ARL13A: variants seen among roughly 807,000 people sequenced by gnomAD.
ARL13A encodes the protein ARF like GTPase 13A, also known as ADP-ribosylation factor-like protein 13A.
In ARL13A, 16 loss-of-function variants were observed where a neutral mutation model predicts 19.1. The observed-to-expected ratio is 0.84, with a 90% CI of 0.57 to 1.27. The LOEUF (loss-of-function observed/expected upper bound fraction) is 1.27, where lower values mean the gene tolerates loss of function less well. Ranked by LOEUF, ARL13A falls within the 50% of genes most tolerant of loss-of-function variation. ARL13A has a pLI of 0.00. For missense variants in ARL13A, 153 were observed against 186.4 expected, an observed-to-expected ratio of 0.82 and a Z score of 1.04; for synonymous variants, 69 against 71.3, an observed-to-expected ratio of 0.97 and a Z score of 0.17.
intron 3 of ARL13A, 130 bp downstream of exon 3, chrX:100,974,327 T>A: frequency 2.1e-6 from 1 of 483,060 alleles, no homozygotes; most frequent in Non-Finnish European, 3.7e-6. Flanking sequence ...AAACACCTCC[T>A]AACACACACG....
At chrX:100,972,366 C>G (rs1473294400) in intron 1 of ARL13A, among the ~76,000 whole-genome samples, 1 of 98,814 alleles carries the variant, frequency 1.0e-5, no homozygotes, top group African/African-American at 3.7e-5. Flanking sequence ...GGGCTGACCC[C>G]CCAACCTCCC....
At chrX:100,988,006 CGAAAAA>C (rs1428232787) in intron 6 of ARL13A, among the ~76,000 whole-genome samples, 181 bp from the exon 7 acceptor site, 1 of 111,324 alleles carries the variant, frequency 9.0e-6, no homozygotes, top group Non-Finnish European at 1.9e-5. Context: ...GTTGAAAAGA[CGAAAAA>C]GAAAAAGAAA....
chrX:100,975,200 C>T (rs928025818), intron 3 of ARL13A, among the ~76,000 whole-genome samples: 1 of 112,115 alleles, frequency 8.9e-6, no homozygotes, highest in African/African-American at 3.2e-5. Context: ...CTTCATTTCC[C>T]ATGCTCTCTG....
At chrX:100,970,410 G>A (rs1457256543) in intron 1 of ARL13A, among the ~76,000 whole-genome samples, 5 of 112,376 alleles carry the variant, frequency 4.4e-5, no homozygotes, top group Non-Finnish European at 9.4e-5. Context: ...GCAGAACCCT[G>A]ATAAATTATC....
chrX:100,986,796 T>A lies in ARL13A; in HGVS notation c.381T>A (p.Ile127=). 1 of 1,187,934 alleles carries A rather than the reference T, an allele frequency of 8.4e-7. No homozygotes were observed. The highest frequency in any genetic ancestry group is 1.1e-6 in the Non-Finnish European group (1 of 879,642). ...DKRVAGKPIL[I]LANKQDKKKA... is the part of the protein sequence containing the mutation. ...CTCCCTCTCTCATATGCTGTTTTAG[T>A]TTAGCAAACAAACAAGACAAGAAGA... is the stretch of plus-strand genomic sequence containing the variant. Residue 127 remains isoleucine, a splice_region_variant and synonymous_variant, in exon 5 of 8, where the codon ATT becomes ATA. Coordinates refer to ENST00000450049, the MANE Select transcript of ARL13A (RefSeq NM_001162491.2).
intron 4 of ARL13A, 81 bp downstream of exon 4, chrX:100,985,997 C>T: frequency 9.3e-7 from 1 of 1,072,104 alleles, no homozygotes; most frequent in Non-Finnish European, 1.2e-6. Context: ...GGGGTGGTCC[C>T]TTTGTCACAC....
chrX:100,973,801 C>A (rs957981923), intron 2 of ARL13A, 53 bp downstream of exon 2: 1 of 1,105,316 alleles, frequency 9.0e-7, no homozygotes, highest in Non-Finnish European at 1.3e-6. Flanking sequence ...TCCCACAAAT[C>A]TGCCCATAGT....
At chrX:100,984,815 GGGTA>G (rs1466092694) in intron 3 of ARL13A, among the ~76,000 whole-genome samples, 1 of 112,040 alleles carries the variant, frequency 8.9e-6, no homozygotes, top group Non-Finnish European at 1.9e-5. Context: ...TACTTGAGCT[GGGTA>G]TTGAAGGGTG....
intron 3 of ARL13A, among the ~76,000 whole-genome samples, chrX:100,979,285 C>T (rs1602451245): frequency 8.9e-6 from 1 of 111,994 alleles, no homozygotes; most frequent in East Asian, 2.8e-4. Context: ...TTGAAGTACT[C>T]CCTTTGGCAT....
intron 3 of ARL13A, among the ~76,000 whole-genome samples, chrX:100,974,595 G>T (rs1164384443): frequency 5.4e-5 from 6 of 111,611 alleles, no homozygotes; most frequent in Admixed American, 2.9e-4. Flanking sequence ...GTGGAATTTG[G>T]TCTAGATAAG....
intron 3 of ARL13A, among the ~76,000 whole-genome samples, chrX:100,980,329 A>G (rs754249964): frequency 3.6e-4 from 39 of 108,355 alleles, no homozygotes; most frequent in Non-Finnish European, 6.7e-4. Flanking sequence ...AGTCCTCTTT[A>G]TATTTCTCTC....
chrX:100,988,700 AG>A, intron 7 of ARL13A: 1 of 351,590 alleles, frequency 2.8e-6, no homozygotes, highest in Non-Finnish European at 4.1e-6. Context: ...TCCTGTAGGA[AG>A]GGTGCTTGGG....
rs149056328 is a variant in ARL13A, at chrX:100,980,725, C to A, written c.131-4942C>A. On this transcript the variant is annotated intron_variant, in intron 3 of 7. Coordinates refer to ENST00000450049, the MANE Select transcript of ARL13A (RefSeq NM_001162491.2). ...ACCTGAAGCCAGCACAATACCAGGTCTTGGCCAAGGCCCATGGTGACTACT... is the reference window on the plus strand; with the variant it reads ...ACCTGAAGCCAGCACAATACCAGGTATTGGCCAAGGCCCATGGTGACTACT... Among the ~76,000 whole-genome samples the A allele has an allele frequency of 3.6e-5, 4 of 111,878 alleles. No homozygotes were observed. The East Asian group carries it at 1.1e-3, about 32-fold the overall frequency.
chrX:100,987,681 T>C, intron 6 of ARL13A, 125 bp downstream of exon 6: 3 of 752,684 alleles, frequency 4.0e-6, no homozygotes, highest in African/African-American at 4.2e-5. Context: ...CTTGATATCA[T>C]TGGCTCAAAT....
Position 100,987,378 on chromosome X carries a change from CTT to C in ARL13A, c.487-9_487-8del, listed in dbSNP as rs766216115. ...CTCCAGGTCTGCAGCCTTCTCTTCT[CTT>C]TTGTCACAGGAGCCATGTTCAGCCA... On this transcript the variant is annotated splice_polypyrimidine_tract_variant and intron_variant, in intron 5 of 7. Coordinates refer to ENST00000450049, the MANE Select transcript of ARL13A (RefSeq NM_001162491.2). The C allele has an allele frequency of 2.5e-6, 3 of 1,208,562 alleles. No homozygotes were observed. The South Asian group carries it at 5.3e-5, about 21-fold the overall frequency.
At chrX:100,982,798 G>A in intron 3 of ARL13A, among the ~76,000 whole-genome samples, 1 of 109,944 alleles carries the variant, frequency 9.1e-6, no homozygotes, top group Admixed American at 9.8e-5. Context: ...TGGGACTACA[G>A]GTGTGTAGCA....
At chrX:100,978,355 C>CT (rs754776202) in intron 3 of ARL13A, among the ~76,000 whole-genome samples, 54 of 111,578 alleles carry the variant, frequency 4.8e-4, no homozygotes, top group East Asian at 3.1e-3. Context: ...CTCTTTAGCT[C>CT]TAATAATATT....
intron 3 of ARL13A, among the ~76,000 whole-genome samples, chrX:100,977,143 A>G (rs2085775402): frequency 9.0e-6 from 1 of 111,383 alleles, no homozygotes; most frequent in African/African-American, 3.3e-5. Context: ...TAAATGGGGT[A>G]TCCATCACCT....
chrX:100,982,417 G>A (rs986684176), intron 3 of ARL13A, among the ~76,000 whole-genome samples: 5 of 109,711 alleles, frequency 4.6e-5, no homozygotes, highest in African/African-American at 6.6e-5. Flanking sequence ...GCTTGAACTC[G>A]GGAGGCAAAG....
Sources: allele counts gnomAD v4.1 joint callset (sites outside exome capture counted in the v4.1 genomes callset), GRCh38; gene constraint gnomAD v4.1.1; transcripts MANE v1.5; gene names NCBI Gene and HGNC (gene_info 2026-07-23, HGNC 2026-07-21).